The following SCLY variants were observed in gnomAD, a reference collection of about 807,000 sequenced individuals.
The protein encoded by SCLY is selenocysteine lyase, also known as putative selenocysteine lyase.
SCLY carries 38 observed loss-of-function variants against 50.1 expected under a neutral mutation model. That is an observed-to-expected ratio of 0.76 (90% confidence interval 0.59 to 0.99). SCLY has a LOEUF of 0.99. Ranked by LOEUF, SCLY falls within the 50% of genes least tolerant of loss-of-function variation. The probability of loss-of-function intolerance (pLI) is 0.00; values close to 1 mark genes in which losing one functional copy is unlikely to be tolerated. For synonymous variants in SCLY, 243 were observed against 249.4 expected (o/e 0.97, Z 0.24); for missense variants, 600 against 620.0 (o/e 0.97, Z 0.34).
chr2:238,098,145 C>A lies in SCLY; in HGVS notation c.1185-57C>A, dbSNP rs112492262. Reference sequence around the variant, plus strand: ...GGGGAGTGGTCCAGAGCAGGGGGGGCTGTGTCTCTTCCATGTGCCCTCAGC... The same window carrying A: ...GGGGAGTGGTCCAGAGCAGGGGGGGATGTGTCTCTTCCATGTGCCCTCAGC... On this transcript the variant is annotated intron_variant, in intron 11 of 11. Transcript: ENST00000254663. The A allele has an allele frequency of 3.9e-3, 6,159 of 1,578,856 alleles. 184 individuals are homozygous for A. In the African/African-American group the frequency reaches 0.068, roughly 17 times the overall value.
At chr2:238,075,412 C>T (rs543879338) in intron 4 of SCLY, among the ~76,000 whole-genome samples, 3 of 152,248 alleles carry the variant, frequency 2.0e-5, no homozygotes, top group Admixed American at 6.5e-5. Context: ...GAAGTGTTCC[C>T]TCCTGTTCTG....
chr2:238,088,831 G>C (rs1460029127), intron 7 of SCLY, among the ~76,000 whole-genome samples: 1 of 152,212 alleles, frequency 6.6e-6, no homozygotes, highest in Non-Finnish European at 1.5e-5. Flanking sequence ...GTGAAAGCCT[G>C]AATGTTTTAC....
At chr2:238,096,775 CAG>C (rs2065441023) in intron 10 of SCLY, 24 bp from the exon 11 acceptor site, 6 of 1,596,282 alleles carry the variant, frequency 3.8e-6, no homozygotes, top group African/African-American at 1.3e-5. Context: ...AGCCCCATCT[CAG>C]GGGCATGTGC....
Position 238,096,705 on chromosome 2 carries a change from G to A in SCLY, c.1109-96G>A, listed in dbSNP as rs559578058. ...GGAATTCCACCAGGTGGCACAGAGG[G>A]AGGGAAGCAGCCTGCGCCCAGCAGG... On this transcript the variant is annotated intron_variant, in intron 10 of 11. Transcript: ENST00000254663. 1.2e-4 allele frequency: 161 copies of A among 1,329,078 alleles called. No individual in the cohort carries two copies. In the East Asian group the frequency reaches 3.7e-3, roughly 31 times the overall value. The allele number at this position is 1,329,078 out of a possible 1,614,324, so 82.3% of individuals were successfully genotyped here. A position where few individuals can be genotyped will look rare whatever the true frequency, so the allele number is the denominator to read the frequency against.
intron 1 of SCLY, among the ~76,000 whole-genome samples, chr2:238,063,470 G>A (rs1459807207): frequency 2.0e-5 from 3 of 152,134 alleles, no homozygotes; most frequent in South Asian, 2.1e-4. Flanking sequence ...TGATCCACCT[G>A]CCTTGACCTC....
chr2:238,071,175 A>G (rs2065123609), intron 4 of SCLY, among the ~76,000 whole-genome samples: 1 of 152,146 alleles, frequency 6.6e-6, no homozygotes, highest in Non-Finnish European at 1.5e-5. Context: ...TCTTACCAAT[A>G]CAGAGAAGGG....
intron 10 of SCLY, among the ~76,000 whole-genome samples, chr2:238,095,003 CCA>C (rs2065412347): frequency 6.6e-6 from 1 of 152,008 alleles, no homozygotes; most frequent in East Asian, 1.9e-4. Context: ...GAGATTGAGT[CCA>C]GCCTGGCCAA....
intron 7 of SCLY, among the ~76,000 whole-genome samples, chr2:238,090,882 A>G (rs1489116733): frequency 6.6e-6 from 1 of 152,068 alleles, no homozygotes; most frequent in Non-Finnish European, 1.5e-5. Flanking sequence ...TACTATACTG[A>G]TTTGGCAGTG....
Position 238,061,074 on chromosome 2 carries a change from C to T in SCLY, c.20C>T (p.Pro7Leu), listed in dbSNP as rs1247561810. The T allele has an allele frequency of 2.3e-5, 32 of 1,393,046 alleles. No homozygotes were observed. The highest frequency in any genetic ancestry group is 2.9e-5 in the Non-Finnish European group (31 of 1,084,842). 86.3% of individuals were successfully genotyped at this position (1,393,046 alleles called of 1,614,324 possible). Residue 7 changes from proline (P) to leucine (L), a missense_variant, in exon 1 of 12, where the codon CCG (proline) becomes CTG (leucine). Coordinates refer to ENST00000254663, the MANE Select transcript of SCLY (RefSeq NM_016510.7). MEAAVA[P>L]GRDAPAPAAS... is the part of the protein sequence containing the mutation. ...GCGGGGATGGAGGCGGCCGTGGCGC[C>T]GGGGAGGGATGCGCCGGCACCCGCG...
At chr2:238,097,680 A>G (rs944331357) in intron 11 of SCLY, among the ~76,000 whole-genome samples, 1 of 152,026 alleles carries the variant, frequency 6.6e-6, no homozygotes, top group African/African-American at 2.4e-5. Flanking sequence ...CCCGGGTGTG[A>G]TGAGGTCAGG....
intron 4 of SCLY, chr2:238,073,876 T>C: frequency 2.4e-6 from 1 of 420,844 alleles, no homozygotes; most frequent in Non-Finnish European, 4.7e-6. Context: ...CTTATGATTT[T>C]CTTAGTATTT....
rs146667548 is a variant in SCLY at position 238,081,807 on chromosome 2, C to G, written c.583C>G (p.Leu195Val). Residue 195 changes from leucine (L) to valine (V), a missense_variant, in exon 5 of 12, where the codon CTG becomes GTG. Leu to Val is a conservative substitution (Grantham distance 32). Coordinates refer to ENST00000254663, the MANE Select transcript of SCLY (RefSeq NM_016510.7). ...GACCACACGCCTCGTGACCATCATG[C>G]TGGCCAACAATGAGACTGGCATTGT... ...RPTTRLVTIM[L>V]ANNETGIVMP... 2.3e-4 allele frequency: 367 copies of G among 1,614,084 alleles called. No homozygotes were observed. Among genetic ancestry groups the G allele is most frequent in the Non-Finnish European group, 2.9e-4 (343 of 1,180,026 alleles).
intron 7 of SCLY, among the ~76,000 whole-genome samples, chr2:238,089,304 A>G (rs1266736276): frequency 6.6e-6 from 1 of 152,182 alleles, no homozygotes; most frequent in Non-Finnish European, 1.5e-5. Flanking sequence ...TACATACCAA[A>G]GATGTCAAAG....
chr2:238,071,309 A>G (rs180750469), intron 4 of SCLY, among the ~76,000 whole-genome samples: 7 of 152,370 alleles, frequency 4.6e-5, no homozygotes, highest in African/African-American at 1.4e-4. Context: ...ATAGAAAAGT[A>G]TAAAGTAAAA....
At chr2:238,090,045 T>A (rs2065345162) in intron 7 of SCLY, among the ~76,000 whole-genome samples, 1 of 152,044 alleles carries the variant, frequency 6.6e-6, no homozygotes, top group African/African-American at 2.4e-5. Context: ...GTATCTAGAA[T>A]ATATAAAGAA....
At chr2:238,064,884 A>G (rs1403380719) in intron 2 of SCLY, 1 of 152,412 alleles carries the variant, frequency 6.6e-6, no homozygotes, top group Non-Finnish European at 1.5e-5. Context: ...TTACTTTTTC[A>G]TTAATTACTT....
chr2:238,084,476 A>G (rs2065268298), intron 7 of SCLY, among the ~76,000 whole-genome samples: 1 of 151,040 alleles, frequency 6.6e-6, no homozygotes, highest in Non-Finnish European at 1.5e-5. Context: ...CTGTAATCCC[A>G]GCTACTTGGG....
At chr2:238,064,057 A>G (rs544285634) in intron 1 of SCLY, among the ~76,000 whole-genome samples, 2 of 152,368 alleles carry the variant, frequency 1.3e-5, no homozygotes, top group African/African-American at 4.8e-5. Flanking sequence ...GACTACAGGC[A>G]CAATCCACTG....
chr2:238,066,764 G>A lies in SCLY; in HGVS notation c.203-1301G>A, dbSNP rs1042629962. ...CCTGAGTGTATTAGTCTGTTCTCAT[G>A]CTGCTAATGAAGATGTACCTGAGAC... On this transcript the variant is annotated intron_variant, in intron 2 of 11. Coordinates refer to ENST00000254663, the MANE Select transcript of SCLY (RefSeq NM_016510.7). This position sits in a 1 kb window ranked among gnomAD's most constrained non-coding sequence, Gnocchi z 4.1. Among the ~76,000 whole-genome samples the A allele has an allele frequency of 6.6e-6, 1 of 152,336 alleles. No individual in the cohort carries two copies. Among genetic ancestry groups the A allele is most frequent in the South Asian group, 2.1e-4 (1 of 4,828 alleles).
Sources: allele counts gnomAD v4.1 joint callset (sites outside exome capture counted in the v4.1 genomes callset), GRCh38; gene constraint gnomAD v4.1.1; non-coding constraint Gnocchi (gnomAD v3.1); transcripts MANE v1.5; gene names NCBI Gene and HGNC (gene_info 2026-07-23, HGNC 2026-07-21).